Variants in UGT2A1 observed in about 807,000 individuals in gnomAD.
The protein encoded by UGT2A1 is UDP-glucuronosyltransferase 2A1.
In UGT2A1, 61 loss-of-function variants were observed where a neutral mutation model predicts 45.4. That is an observed-to-expected ratio of 1.34 (90% CI 1.09 to 1.66). The LOEUF is 1.66. UGT2A1 is among the 40% of genes most tolerant of loss of function. UGT2A1 has a pLI of 0.00. For missense variants in UGT2A1, 649 were observed against 574.3 expected (o/e 1.13, Z -1.33); for synonymous variants, 229 against 196.2 (o/e 1.17, Z -1.40).
chr4:69,604,996 A>C (rs1400195719), intron 3 of UGT2A1, among the ~76,000 whole-genome samples: 1 of 136,318 alleles, frequency 7.3e-6, no homozygotes, highest in Non-Finnish European at 1.6e-5. Flanking sequence ...CCCACTGTCA[A>C]CGTTAGACAG....
intron 3 of UGT2A1, among the ~76,000 whole-genome samples, chr4:69,627,364 C>T (rs1283709571): frequency 6.6e-6 from 1 of 151,778 alleles, no homozygotes; most frequent in Non-Finnish European, 1.5e-5. Context: ...ACTCATATCA[C>T]ATACTACATT....
chr4:69,609,871 G>T (rs932374094), intron 3 of UGT2A1, among the ~76,000 whole-genome samples: 14 of 152,088 alleles, frequency 9.2e-5, no homozygotes, highest in Admixed American at 8.5e-4. Context: ...AACTGTCATA[G>T]AACTTGGGGA....
At position 69,605,907 on chromosome 4, in the gene UGT2A1, G is replaced by A. The variant is rs1719580899; in HGVS notation, c.848-6513C>T. Among the ~76,000 whole-genome samples the A allele has an allele frequency of 1.5e-5, 2 of 136,480 alleles. 1 individual carries two copies. The highest frequency in any genetic ancestry group is 5.9e-5 in the African/African-American group (2 of 33,660). The allele number at this position is 136,480 out of a possible 152,430, so 89.5% of individuals were successfully genotyped here. A position where few individuals can be genotyped will look rare whatever the true frequency, so the allele number is the denominator to read the frequency against. On this transcript the variant is annotated intron_variant, in intron 3 of 6. Coordinates refer to ENST00000286604, the MANE Select transcript of UGT2A1 (RefSeq NM_001252275.3). The stretch of plus-strand genomic sequence containing the variant: ...GAATCTCTGAATAGACCAATAACAG[G>A]CTCTGAAATTGAGGCAATAATTAAT...
intron 3 of UGT2A1, among the ~76,000 whole-genome samples, chr4:69,627,155 C>T (rs897688317): frequency 1.6e-4 from 25 of 151,788 alleles, no homozygotes; most frequent in Non-Finnish European, 3.4e-4. Context: ...TTTCTATTAT[C>T]TATTTCTAAA....
At chr4:69,596,624 T>A (rs539752793) in intron 4 of UGT2A1, among the ~76,000 whole-genome samples, 3 of 152,108 alleles carry the variant, frequency 2.0e-5, no homozygotes, top group Admixed American at 6.6e-5. Context: ...CCGGTTCAAG[T>A]GATTCTCACA....
intron 6 of UGT2A1, among the ~76,000 whole-genome samples, chr4:69,590,638 AGTGTGTGT>A (rs4148321): frequency 6.7e-6 from 1 of 150,206 alleles, no homozygotes; most frequent in African/African-American, 2.5e-5. Flanking sequence ...ACATGTGTTG[AGTGTGTGT>A]GTGTGTGTGT....
chr4:69,613,694 A>G (rs1720201974), intron 3 of UGT2A1, among the ~76,000 whole-genome samples: 1 of 152,070 alleles, frequency 6.6e-6, no homozygotes, highest in African/African-American at 2.4e-5. Flanking sequence ...TAAATGTGAT[A>G]CATCTTATCA....
chr4:69,594,084 C>T (rs752865457), intron 6 of UGT2A1, among the ~76,000 whole-genome samples: 20 of 151,284 alleles, frequency 1.3e-4, no homozygotes, highest in Non-Finnish European at 2.5e-4. Flanking sequence ...ACGCCATTCT[C>T]CTGCCTCAGC....
chr4:69,596,126 C>T, intron 4 of UGT2A1: 1 of 1,287,312 alleles, frequency 7.8e-7, no homozygotes, highest in Non-Finnish European at 1.0e-6. Context: ...ACGTTACTTA[C>T]AACTGTTACT....
intron 3 of UGT2A1, among the ~76,000 whole-genome samples, chr4:69,600,114 G>A (rs771284526): frequency 7.2e-5 from 11 of 152,168 alleles, no homozygotes; most frequent in Non-Finnish European, 1.2e-4. Flanking sequence ...CTGTGAGCCA[G>A]GTGAAAAACC....
chr4:69,629,299 C>A (rs374217896), intron 3 of UGT2A1, among the ~76,000 whole-genome samples: 18 of 152,122 alleles, frequency 1.2e-4, no homozygotes, highest in African/African-American at 4.3e-4. Flanking sequence ...AAAGTGTTTA[C>A]TTTGCAGGTC....
chr4:69,638,428 T>C (rs1047585763), intron 2 of UGT2A1, among the ~76,000 whole-genome samples: 2 of 152,104 alleles, frequency 1.3e-5, no homozygotes, highest in Non-Finnish European at 2.9e-5. Flanking sequence ...TGTGTAAAGA[T>C]AGAGAGACAG....
At chr4:69,637,912 C>A (rs1446195026) in intron 2 of UGT2A1, among the ~76,000 whole-genome samples, 3 of 121,252 alleles carry the variant, frequency 2.5e-5, no homozygotes, top group Admixed American at 8.8e-5. Flanking sequence ...AGAAGGAAGG[C>A]AGGCAGGCAG....
At chr4:69,631,308 CTTAA>C (rs1243721545) in intron 3 of UGT2A1, among the ~76,000 whole-genome samples, 1 of 58,272 alleles carries the variant, frequency 1.7e-5, no homozygotes, top group Non-Finnish European at 3.5e-5. Flanking sequence ...GAGAGAGTTA[CTTAA>C]TTTTTATGTT....
intron 6 of UGT2A1, among the ~76,000 whole-genome samples, chr4:69,592,346 G>A (rs908452683): frequency 6.6e-6 from 1 of 151,982 alleles, no homozygotes; most frequent in African/African-American, 2.4e-5. Context: ...CACCAAGACC[G>A]AGAAAAAATA....
intron 6 of UGT2A1, among the ~76,000 whole-genome samples, chr4:69,590,021 A>G (rs1253285286): frequency 6.6e-6 from 1 of 152,226 alleles, no homozygotes; most frequent in Non-Finnish European, 1.5e-5. Context: ...ATCATTTAAG[A>G]CATACATAAA....
At position 69,594,546 on chromosome 4, in the gene UGT2A1, T is replaced by C; in HGVS notation, c.1235A>G (p.Glu412Gly). 6.2e-7 allele frequency: 1 copy of C among 1,614,158 alleles called. No individual in the cohort carries two copies. The highest frequency in any genetic ancestry group is 8.5e-7 in the Non-Finnish European group (1 of 1,180,034). ...ACTTGTCATTGTGTTTAGGTTCACT[T>C]CCACAGCTGCTCCTTTGGCCTTCAT... ...AHMKAKGAAV[E>G]VNLNTMTSVD... is the part of the protein sequence containing the mutation. Residue 412 changes from glutamate (E) to glycine (G), a missense_variant, in exon 6 of 7, where the codon GAA (glutamate) becomes GGA (glycine). Glu to Gly is a moderately conservative substitution (Grantham distance 98, BLOSUM62 -2). Coordinates refer to ENST00000286604, the MANE Select transcript of UGT2A1 (RefSeq NM_001252275.3).
intron 3 of UGT2A1, among the ~76,000 whole-genome samples, chr4:69,626,194 G>A (rs1010229996): frequency 4.6e-5 from 7 of 150,850 alleles, no homozygotes; most frequent in African/African-American, 1.2e-4. Context: ...CTTTGATCTG[G>A]TAGAGAGATA....
chr4:69,608,946 A>T (rs1719853874), intron 3 of UGT2A1, among the ~76,000 whole-genome samples: 1 of 152,164 alleles, frequency 6.6e-6, no homozygotes, highest in Non-Finnish European at 1.5e-5. Flanking sequence ...ACAGCATAAA[A>T]ATCCTTTTTT....
Sources: gnomAD v4.1 joint callset for allele counts (sites outside exome capture counted in the v4.1 genomes callset) on GRCh38, gnomAD v4.1.1 for gene constraint, MANE v1.5 for transcripts, NCBI Gene and HGNC (gene_info 2026-07-23, HGNC 2026-07-21) for gene names.